Variants in FAAH2 observed in about 807,000 individuals in gnomAD.
FAAH2 encodes the protein fatty acid amide hydrolase 2.
Under a neutral mutation model 36.9 loss-of-function variants are expected in FAAH2, and 60 were observed. That is an observed-to-expected ratio of 1.63 (90% CI 1.32 to 2.02). FAAH2 has a LOEUF of 2.02. Among genes scored for constraint, FAAH2 ranks in the 30% most tolerant of loss-of-function variants. FAAH2 has a pLI of 0.00. For missense variants in FAAH2, 689 were observed against 397.5 expected (o/e 1.73, Z -6.23); for synonymous variants, 214 against 143.8 (o/e 1.49, Z -3.49).
At chrX:57,215,036 G>C in the FAAH2 span, among the ~76,000 whole-genome samples, 1 of 106,112 alleles carries the variant, frequency 9.4e-6, no homozygotes, top group Non-Finnish European at 1.9e-5. Context: ...TAGAGAATGT[G>C]AGAAAAATTT....
At chrX:57,187,934 CT>C in the FAAH2 span, among the ~76,000 whole-genome samples, 2 of 111,567 alleles carry the variant, frequency 1.8e-5, no homozygotes, top group African/African-American at 6.5e-5. Context: ...GGTGGATAAG[CT>C]TTTTGATGTG....
chrX:57,260,305 C>T, the FAAH2 span, among the ~76,000 whole-genome samples: 1 of 111,193 alleles, frequency 9.0e-6, no homozygotes, highest in African/African-American at 3.3e-5. Flanking sequence ...GCTTTTTCAC[C>T]AAGGTACCAA....
chrX:57,145,255 G>T, the FAAH2 span, among the ~76,000 whole-genome samples: 7 of 60,032 alleles, frequency 1.2e-4, no homozygotes, highest in Non-Finnish European at 1.9e-4. Context: ...CATTCTTTTG[G>T]GGGGGGGTAA....
chrX:57,484,559 C>T (rs1202281568), intron 10 of FAAH2, among the ~76,000 whole-genome samples: 1 of 111,920 alleles, frequency 8.9e-6, no homozygotes, highest in Non-Finnish European at 1.9e-5. Context: ...GGGAGAATGC[C>T]TCTCTTGCAA....
At chrX:57,188,794 C>G in the FAAH2 span, among the ~76,000 whole-genome samples, 1 of 110,998 alleles carries the variant, frequency 9.0e-6, no homozygotes, top group Non-Finnish European at 1.9e-5. Flanking sequence ...GTAAACTTAC[C>G]TTTCTCTCTG....
Position 57,310,670 on chromosome X carries a change from A to G in FAAH2, c.353A>G (p.Glu118Gly). ...AAGCAGGAAGATGAAGCCACCCTGG[A>G]AAATAAATGGCCCTTCCTTGGGGTT... ...AEKQEDEATL[E>G]NKWPFLGVPL... Residue 118 changes from glutamate (E) to glycine (G), a missense_variant, in exon 3 of 11, where the codon GAA becomes GGA. Glu to Gly is a moderately conservative substitution (Grantham distance 98). Transcript: ENST00000374900. 1 of 1,210,271 alleles carries G rather than the reference A, an allele frequency of 8.3e-7. No individual in the cohort carries two copies. The highest frequency in any genetic ancestry group is 1.1e-6 in the Non-Finnish European group (1 of 894,692).
intron 5 of FAAH2, among the ~76,000 whole-genome samples, chrX:57,350,165 C>A (rs1177156264): frequency 9.0e-6 from 1 of 111,110 alleles, no homozygotes; most frequent in African/African-American, 3.3e-5. Context: ...CAATACTTGC[C>A]TTCATAAATG....
At chrX:57,306,868 C>T (rs958685992) in intron 2 of FAAH2, among the ~76,000 whole-genome samples, 1 of 89,781 alleles carries the variant, frequency 1.1e-5, no homozygotes, top group South Asian at 5.3e-4. Context: ...TATATACACA[C>T]TATATATACA....
intron 5 of FAAH2, among the ~76,000 whole-genome samples, chrX:57,343,812 A>G (rs2053751384): frequency 1.8e-5 from 2 of 111,702 alleles, no homozygotes; most frequent in Non-Finnish European, 1.9e-5. Flanking sequence ...GTAGGGATCC[A>G]GTTATATTTT....
chrX:57,177,640 T>C, the FAAH2 span, among the ~76,000 whole-genome samples: 1 of 38,081 alleles, frequency 2.6e-5, no homozygotes, highest in East Asian at 6.8e-4. Flanking sequence ...ACCTGATGAC[T>C]GAAAAAAAAA....
chrX:57,467,611 A>G (rs1453161939), intron 10 of FAAH2, among the ~76,000 whole-genome samples: 1 of 111,840 alleles, frequency 8.9e-6, no homozygotes, highest in African/African-American at 3.2e-5. Context: ...GGAATCTTGA[A>G]CTGGGTGGAG....
At chrX:57,232,467 G>A in the FAAH2 span, among the ~76,000 whole-genome samples, 9 of 111,988 alleles carry the variant, frequency 8.0e-5, no homozygotes, top group African/African-American at 2.6e-4. Context: ...CAAGTGAGTA[G>A]GAAAATTTCA....
intron 5 of FAAH2, among the ~76,000 whole-genome samples, chrX:57,368,483 T>C (rs1341223337): frequency 9.0e-6 from 1 of 111,206 alleles, no homozygotes; most frequent in Non-Finnish European, 1.9e-5. Context: ...AAGAGCTTGG[T>C]GGCATACCCC....
At position 57,447,022 on chromosome X, in the gene FAAH2, A is replaced by G; in HGVS notation, c.1211A>G (p.Tyr404Cys). The G allele has an allele frequency of 1.7e-6, 2 of 1,194,218 alleles. No homozygotes were observed. The change falls in exon 9 of 11, where the codon TAC becomes TGC. Residue 404 changes from tyrosine to cysteine, a missense_variant. Physicochemically the swap from Tyr to Cys is radical, Grantham distance 194. Coordinates refer to ENST00000374900, the MANE Select transcript of FAAH2 (RefSeq NM_174912.4). ...AAATGGTGCCTGGGTCTGTCAGTGT[A>G]CACCATCCCTTCCATTGGTATGTAA... ...LIKWCLGLSV[Y>C]TIPSIGLALL...
chrX:57,311,393 C>T (rs550617657), intron 3 of FAAH2, among the ~76,000 whole-genome samples: 5 of 112,199 alleles, frequency 4.5e-5, no homozygotes, highest in African/African-American at 1.6e-4. Context: ...GGAACTGAGG[C>T]CTCACCTTCA....
chrX:57,338,573 A>G (rs1182331032), intron 4 of FAAH2, among the ~76,000 whole-genome samples: 1 of 111,718 alleles, frequency 9.0e-6, no homozygotes, highest in Non-Finnish European at 1.9e-5. Context: ...CACTCAGGAT[A>G]CAAACTCAAT....
chrX:57,320,421 C>T (rs192725663), intron 3 of FAAH2, among the ~76,000 whole-genome samples: 86 of 112,345 alleles, frequency 7.7e-4, no homozygotes, highest in African/African-American at 2.5e-3. Context: ...TGAAAAAAAG[C>T]TCATCATCCC....
intron 5 of FAAH2, among the ~76,000 whole-genome samples, chrX:57,378,076 C>T (rs751262747): frequency 9.0e-6 from 1 of 111,665 alleles, no homozygotes; most frequent in Non-Finnish European, 1.9e-5. Flanking sequence ...CTTATAGTTT[C>T]ACTTAAGTCT....
At chrX:57,236,696 AT>A in the FAAH2 span, among the ~76,000 whole-genome samples, 4 of 110,630 alleles carry the variant, frequency 3.6e-5, no homozygotes, top group Non-Finnish European at 5.7e-5. Flanking sequence ...TAATCAGATT[AT>A]TTGGGGGGGG....
Sources: gnomAD v4.1 joint callset for allele counts (sites outside exome capture counted in the v4.1 genomes callset) on GRCh38, gnomAD v4.1.1 for gene constraint, MANE v1.5 for transcripts, NCBI Gene and HGNC (gene_info 2026-07-23, HGNC 2026-07-21) for gene names.